Variants in PANK4 observed in about 807,000 individuals in gnomAD.
PANK4 encodes 4'-phosphopantetheine phosphatase.
A neutral mutation model predicts 87.9 loss-of-function variants in PANK4; 40 were observed. That is an observed-to-expected ratio of 0.46 (90% confidence interval 0.35 to 0.59). The LOEUF is 0.59. Ranked by LOEUF, PANK4 falls within the 20% of genes least tolerant of loss-of-function variation. The pLI is 0.00. For synonymous variants in PANK4, 524 were observed against 467.4 expected (o/e 1.12, Z -1.56); for missense variants, 926 against 1,072.3 (o/e 0.86, Z 1.90).
At position 2,508,719 on chromosome 1, in the gene PANK4, G is replaced by C. The variant is rs1490116885; in HGVS notation, c.*128C>G. The C allele has an allele frequency of 1.6e-6, 1 of 644,576 alleles. No individual in the cohort carries two copies. The highest frequency in any genetic ancestry group is 2.8e-6 in the Non-Finnish European group (1 of 356,232). 39.9% of individuals were successfully genotyped at this position (644,576 alleles called of 1,614,324 possible). A position where few individuals can be genotyped will look rare whatever the true frequency, so the allele number is the denominator to read the frequency against. The stretch of plus-strand genomic sequence containing the variant: ...GCCTCTGGGTCACACGCATCTGTGC[G>C]GCTGGGGTGTATGTGCCGCGTCACA... On this transcript the variant is annotated 3_prime_UTR_variant, in exon 19 of 19. Transcript: ENST00000378466. The surrounding 1 kb of genome is among the most constrained non-coding windows in gnomAD (Gnocchi z 5.1).
At position 2,509,833 on chromosome 1, in the gene PANK4, G is replaced by A. The variant is rs201701786; in HGVS notation, c.2108+29C>T. On this transcript the variant is annotated intron_variant, in intron 18 of 18. Coordinates refer to ENST00000378466, the MANE Select transcript of PANK4 (RefSeq NM_018216.4). The surrounding 1 kb of genome is among the most constrained non-coding windows in gnomAD (Gnocchi z 4.9). Reference sequence around the variant, plus strand: ...CACAGAGGGCACAGAGCCCAGGAGGGAGAGAACAGGTGCAGGGTGCGGGGT... The same window carrying A: ...CACAGAGGGCACAGAGCCCAGGAGGAAGAGAACAGGTGCAGGGTGCGGGGT... 4.4e-6 allele frequency: 7 copies of A among 1,598,340 alleles called. No individual in the cohort carries two copies. The East Asian group carries it at 6.7e-5, about 15-fold the overall frequency.
At chr1:2,511,846 G>A (rs906399349) in intron 13 of PANK4, among the ~76,000 whole-genome samples, 163 bp from the exon 14 acceptor site, 1 of 151,716 alleles carries the variant, frequency 6.6e-6, no homozygotes, top group Admixed American at 6.6e-5. Context: ...GCTGCTCAAC[G>A]TGAAGACCCC....
rs773088964 is a variant in PANK4, at chr1:2,509,022, C to T, written c.2147G>A (p.Arg716His). The T allele has an allele frequency of 7.5e-6, 12 of 1,603,644 alleles. No individual in the cohort carries two copies. The highest frequency in any genetic ancestry group is 2.2e-5 in the East Asian group (1 of 44,810). ...DKGLAALVRERGADLVVIEGM... is the reference protein window; with the variant it reads ...DKGLAALVREHGADLVVIEGM... ...CTCGATGACCACCAGATCCGCGCCA[C>T]GCTCCCGCACCAGTGCGGCCAGCCC... Residue 716 changes from arginine (R) to histidine (H), a missense_variant, in exon 19 of 19, where the codon CGT becomes CAT. Transcript: ENST00000378466. The surrounding 1 kb of genome is among the most constrained non-coding windows in gnomAD (Gnocchi z 4.9).
At chr1:2,511,268 C>A in intron 15 of PANK4, 70 bp downstream of exon 15, 1 of 1,088,140 alleles carries the variant, frequency 9.2e-7, no homozygotes, top group Non-Finnish European at 1.4e-6. Context: ...ATGCCCACCT[C>A]CCTCCAGTGA....
chr1:2,522,069 G>A, intron 1 of PANK4: 1 of 518,762 alleles, frequency 1.9e-6, no homozygotes, highest in Non-Finnish European at 3.5e-6. Context: ...TTGGCACCAA[G>A]TCCTGCAGAG....
In PANK4 at chr1:2,519,906, C is replaced by G; in HGVS notation, c.748G>C (p.Val250Leu). The change falls in exon 6 of 19, where the codon GTG becomes CTG. Residue 250 changes from valine to leucine, a missense_variant. By Grantham distance (32) the Val-to-Leu change is conservative. Coordinates refer to ENST00000378466, the MANE Select transcript of PANK4 (RefSeq NM_018216.4). The surrounding 1 kb of genome is among the most constrained non-coding windows in gnomAD (Gnocchi z 8.3). ...TAGACGTCCCGCACCAGCATGTCCA[C>G]ATTGCTGTGCTGGCCCCTCGAGGCC... ...HLASRGQHSN[V>L]DMLVRDVYGG... 6.4e-7 allele frequency: 1 copy of G among 1,567,512 alleles called. No homozygotes were observed. Among genetic ancestry groups the G allele is most frequent in the South Asian group, 1.2e-5 (1 of 85,650 alleles).
chr1:2,511,253 A>T, intron 15 of PANK4, 85 bp downstream of exon 15: 1 of 901,674 alleles, frequency 1.1e-6, no homozygotes, highest in Non-Finnish European at 1.8e-6. Context: ...CACCCGAGGC[A>T]GCCCATGCCC....
At position 2,509,899 on chromosome 1, in the gene PANK4, C is replaced by T. The variant is rs2100768236; in HGVS notation, c.2071G>A (p.Val691Met). 1 of 1,612,120 alleles carries T rather than the reference C, an allele frequency of 6.2e-7. No individual in the cohort carries two copies. The highest frequency in any genetic ancestry group is 8.5e-7 in the Non-Finnish European group (1 of 1,179,822). ...CACGGGGAGCTGGAGCCCGTCTGCA[C>T]CAGCAGCAGCCTCTCTTCCTGGAGC... is the stretch of plus-strand genomic sequence containing the variant. ...SALQEERLLL[V>M]QTGSSSPCLD... is the part of the protein sequence containing the mutation. Residue 691 changes from valine (V) to methionine (M), a missense_variant, in exon 18 of 19, where the codon GTG becomes ATG. Coordinates refer to ENST00000378466, the MANE Select transcript of PANK4 (RefSeq NM_018216.4). The surrounding 1 kb of genome is among the most constrained non-coding windows in gnomAD (Gnocchi z 4.9).
At chr1:2,521,001 G>T in intron 3 of PANK4, 95 bp from the exon 4 acceptor site, 1 of 1,514,538 alleles carries the variant, frequency 6.6e-7, no homozygotes, top group Non-Finnish European at 9.1e-7. Flanking sequence ...CATGCCCCAT[G>T]CGCAATCTGA....
chr1:2,510,131 G>A lies in PANK4; in HGVS notation c.1965C>T (p.Pro655=), dbSNP rs1409939064. 8.7e-6 allele frequency: 14 copies of A among 1,608,216 alleles called. No individual in the cohort carries two copies. The highest frequency in any genetic ancestry group is 1.7e-5 in the Admixed American group (1 of 59,664). ...TEVILACNSG[P]ALNDVTHSES... is the part of the protein sequence containing the mutation. Reference sequence around the variant, plus strand: ...CGCTGTGGGTCACGTCGTTCAGGGCGGGGCCTGAGTTGCACGCCAGGATGA... The same window carrying A: ...CGCTGTGGGTCACGTCGTTCAGGGCAGGGCCTGAGTTGCACGCCAGGATGA... The change falls in exon 17 of 19, where the codon CCC becomes CCT. Residue 655 remains proline (P), a synonymous_variant. Coordinates refer to ENST00000378466, the MANE Select transcript of PANK4 (RefSeq NM_018216.4). This position sits in a 1 kb window ranked among gnomAD's most constrained non-coding sequence, Gnocchi z 4.9.
At chr1:2,521,540 C>T in intron 2 of PANK4, 178 bp downstream of exon 2, 1 of 719,514 alleles carries the variant, frequency 1.4e-6, no homozygotes, top group Admixed American at 2.0e-5. Context: ...GGCGCAGGTT[C>T]CTACAAAGGG....
At position 2,510,240 on chromosome 1, in the gene PANK4, G is replaced by C. The variant is rs549571790; in HGVS notation, c.1939-83C>G. 6.9e-5 allele frequency: 64 copies of C among 921,050 alleles called. 1 individual carries two copies. In the South Asian group the frequency reaches 8.8e-4, roughly 13 times the overall value. 57.1% of individuals were successfully genotyped at this position (921,050 alleles called of 1,614,324 possible). On this transcript the variant is annotated intron_variant, in intron 16 of 18. Transcript: ENST00000378466. This position sits in a 1 kb window ranked among gnomAD's most constrained non-coding sequence, Gnocchi z 4.9. ...CGTGCACCCCGGCCTTCGAGTGGCTGGGCTGGGTGAGGGTGCTGTGCCCAG... is the reference window on the plus strand; with the variant it reads ...CGTGCACCCCGGCCTTCGAGTGGCTCGGCTGGGTGAGGGTGCTGTGCCCAG...
At chr1:2,525,007 C>T (rs1386430025) in intron 1 of PANK4, among the ~76,000 whole-genome samples, 1 of 152,182 alleles carries the variant, frequency 6.6e-6, no homozygotes, top group African/African-American at 2.4e-5. Flanking sequence ...CGTTCTCATA[C>T]CTGGCACCAG....
intron 12 of PANK4, 34 bp from the exon 13 acceptor site, chr1:2,513,073 A>G (rs1273215778): frequency 6.4e-7 from 1 of 1,560,014 alleles, no homozygotes; most frequent in Non-Finnish European, 8.7e-7. Flanking sequence ...GCCTGAGTGA[A>G]GACGTGGCCT....
Position 2,520,950 on chromosome 1 carries a change from C to T in PANK4, c.423-44G>A, listed in dbSNP as rs561955220. On this transcript the variant is annotated intron_variant, in intron 3 of 18. Transcript: ENST00000378466. The surrounding 1 kb of genome is among the most constrained non-coding windows in gnomAD (Gnocchi z 6.2). ...CCCCTTAAAGAGTCTGGGCCACAGA[C>T]AGGTGCAACCATGCAAGCCTGCCTG... 4.7e-5 allele frequency: 72 copies of T among 1,533,372 alleles called. 1 individual carries two copies. Among genetic ancestry groups the T allele is most frequent in the South Asian group, 3.8e-4 (30 of 78,368 alleles). 95.0% of individuals were successfully genotyped at this position (1,533,372 alleles called of 1,614,324 possible). A position where few individuals can be genotyped will look rare whatever the true frequency, so the allele number is the denominator to read the frequency against.
chr1:2,513,643 G>A (rs538170197), intron 12 of PANK4, among the ~76,000 whole-genome samples: 1 of 152,342 alleles, frequency 6.6e-6, no homozygotes, highest in African/African-American at 2.4e-5. Flanking sequence ...GGGGAAAGCA[G>A]TCCCCAACCA....
Position 2,520,213 on chromosome 1 carries a change from AGGAG to A in PANK4, c.699+105_699+108del. 2 of 1,047,608 alleles carry A rather than the reference AGGAG, an allele frequency of 1.9e-6. No homozygotes were observed. Among genetic ancestry groups the A allele is most frequent in the South Asian group, 2.7e-5 (2 of 73,630 alleles). 64.9% of individuals were successfully genotyped at this position (1,047,608 alleles called of 1,614,324 possible). ...GGCCAGAGACCCACTGACGCGAGTC[AGGAG>A]GGAGGCCCGGAAGCAGCTTTTGCAC... On this transcript the variant is annotated intron_variant, in intron 5 of 18. Transcript: ENST00000378466. This position sits in a 1 kb window ranked among gnomAD's most constrained non-coding sequence, Gnocchi z 6.2.
chr1:2,518,787 C>T (rs769956315), intron 7 of PANK4, among the ~76,000 whole-genome samples, 190 bp from the exon 8 acceptor site: 16 of 152,362 alleles, frequency 1.1e-4, no homozygotes, highest in Middle Eastern at 6.8e-3. Context: ...TTGAAGAAAG[C>T]TAAGGGTGAG....
rs980050722 is a variant in PANK4 at position 2,520,243 on chromosome 1, C to T, written c.699+79G>A. 2.3e-5 allele frequency: 32 copies of T among 1,362,662 alleles called. No homozygotes were observed. The highest frequency in any genetic ancestry group is 2.1e-4 in the African/African-American group (15 of 69,956). 84.4% of individuals were successfully genotyped at this position (1,362,662 alleles called of 1,614,324 possible). Reference sequence around the variant, plus strand: ...GGAGGCCCGGAAGCAGCTTTTGCACCGCCCAGCTGCAGGCCTTCGGGGGAA... The same window carrying T: ...GGAGGCCCGGAAGCAGCTTTTGCACTGCCCAGCTGCAGGCCTTCGGGGGAA... On this transcript the variant is annotated intron_variant, in intron 5 of 18. Transcript: ENST00000378466. This position sits in a 1 kb window ranked among gnomAD's most constrained non-coding sequence, Gnocchi z 6.2.
Sources: allele counts gnomAD v4.1 joint callset (sites outside exome capture counted in the v4.1 genomes callset), GRCh38; gene constraint gnomAD v4.1.1; non-coding constraint Gnocchi (gnomAD v3.1); transcripts MANE v1.5; gene names NCBI Gene and HGNC (gene_info 2026-07-23, HGNC 2026-07-21).